The following FNIP1 variants were observed in gnomAD, a reference collection of about 807,000 sequenced individuals.
The protein encoded by FNIP1 is folliculin interacting protein 1, also known as folliculin-interacting protein 1.
A neutral mutation model predicts 124.5 loss-of-function variants in FNIP1; 40 were observed. That is an observed-to-expected ratio of 0.32 (90% CI 0.25 to 0.42). FNIP1 has a LOEUF of 0.42. FNIP1 is among the 10% of genes least tolerant of loss of function. The pLI is 1.00. For missense variants in FNIP1, 1,176 were observed against 1,403.7 expected (o/e 0.84, Z 2.59); for synonymous variants, 472 against 470.6 (o/e 1.00, Z -0.04).
chr5:131,663,225 A>G, intron 15 of FNIP1, among the ~76,000 whole-genome samples: 1 of 152,200 alleles, frequency 6.6e-6, no homozygotes, highest in South Asian at 2.1e-4. Context: ...TTTTAAAAGA[A>G]TTTTTCTCTT....
rs1766739283 is a variant in FNIP1 at position 131,642,306 on chromosome 5, G to A, written c.*2379C>T. On this transcript the variant is annotated 3_prime_UTR_variant, in exon 18 of 18. Coordinates refer to ENST00000510461, the MANE Select transcript of FNIP1 (RefSeq NM_133372.3). ...GGTAATAGAAATTATAGAAGGATTAGGAATTACAAAACTCAGGAATGGGAA... is the reference window on the plus strand; with the variant it reads ...GGTAATAGAAATTATAGAAGGATTAAGAATTACAAAACTCAGGAATGGGAA... 6.6e-6 allele frequency: 1 copy of A among 152,486 alleles called. No individual in the cohort carries two copies. Among genetic ancestry groups the A allele is most frequent in the African/African-American group, 2.4e-5 (1 of 41,386 alleles). The allele number at this position is 152,486 out of a possible 1,614,324, so 9.4% of individuals were successfully genotyped here.
At chr5:131,755,528 T>C (rs1203618400) in intron 1 of FNIP1, among the ~76,000 whole-genome samples, 3 of 151,746 alleles carry the variant, frequency 2.0e-5, no homozygotes, top group Non-Finnish European at 2.9e-5. Context: ...CAATTGGTAG[T>C]GAAATCTTCA....
At chr5:131,701,598 G>C (rs1768901155) in intron 10 of FNIP1, among the ~76,000 whole-genome samples, 1 of 152,000 alleles carries the variant, frequency 6.6e-6, no homozygotes, top group Admixed American at 6.5e-5. Flanking sequence ...TTTATTTTTT[G>C]ACATACTCAA....
chr5:131,676,003 C>T (rs1438077350), intron 13 of FNIP1, among the ~76,000 whole-genome samples: 1 of 151,670 alleles, frequency 6.6e-6, no homozygotes, highest in Admixed American at 6.6e-5. Flanking sequence ...GGATTATAGG[C>T]GCCTGCCACC....
chr5:131,779,469 G>C (rs1190797235), intron 1 of FNIP1, among the ~76,000 whole-genome samples: 1 of 151,802 alleles, frequency 6.6e-6, no homozygotes, highest in Non-Finnish European at 1.5e-5. Flanking sequence ...CACAAGGTCA[G>C]GAGATCGAGA....
At position 131,743,973 on chromosome 5, in the gene FNIP1, T is replaced by A. The variant is rs1395262914; in HGVS notation, c.219+591A>T. Among the ~76,000 whole-genome samples, 3 of 151,838 alleles carry A rather than the reference T, an allele frequency of 2.0e-5. No homozygotes were observed. The East Asian group carries it at 5.8e-4, about 29-fold the overall frequency. On this transcript the variant is annotated intron_variant, in intron 2 of 17. Coordinates refer to ENST00000510461, the MANE Select transcript of FNIP1 (RefSeq NM_133372.3). ...AGAAAAGCTGAGAGGGATGAAGGAATACATCGCAGGAGAGAAATTAATGAG... is the reference window on the plus strand; with the variant it reads ...AGAAAAGCTGAGAGGGATGAAGGAAAACATCGCAGGAGAGAAATTAATGAG...
intron 1 of FNIP1, among the ~76,000 whole-genome samples, chr5:131,749,437 G>C (rs1037011252): frequency 4.1e-4 from 61 of 147,484 alleles, no homozygotes; most frequent in African/African-American, 1.5e-3. Flanking sequence ...CTATCGTCCA[G>C]GCTGAAGTGC....
intron 1 of FNIP1, among the ~76,000 whole-genome samples, chr5:131,788,645 G>A (rs1269359514): frequency 6.7e-6 from 1 of 148,216 alleles, no homozygotes; most frequent in East Asian, 2.0e-4. Context: ...AGGTTGCAGT[G>A]AGCCGGGATT....
intron 1 of FNIP1, among the ~76,000 whole-genome samples, chr5:131,789,001 A>G (rs997259694): frequency 1.3e-5 from 2 of 152,228 alleles, no homozygotes; most frequent in Admixed American, 6.5e-5. Flanking sequence ...ACTAGCCAAG[A>G]TATGCAATCA....
chr5:131,700,151 T>G (rs1353745036), intron 10 of FNIP1, among the ~76,000 whole-genome samples: 1 of 151,800 alleles, frequency 6.6e-6, no homozygotes, highest in Non-Finnish European at 1.5e-5. Flanking sequence ...GCCCCGCTAA[T>G]TTTTGTATTT....
At chr5:131,651,034 C>T (rs562169615) in intron 16 of FNIP1, among the ~76,000 whole-genome samples, 1 of 152,136 alleles carries the variant, frequency 6.6e-6, no homozygotes, top group African/African-American at 2.4e-5. Flanking sequence ...GTACACAACC[C>T]CTTCTGTCTT....
At chr5:131,664,052 G>C (rs780910659) in intron 15 of FNIP1, among the ~76,000 whole-genome samples, 4 of 152,086 alleles carry the variant, frequency 2.6e-5, no homozygotes, top group African/African-American at 4.8e-5. Context: ...GTTTGTGAAG[G>C]GTTGATCTCA....
chr5:131,670,583 G>A lies in FNIP1; in HGVS notation c.2988C>T (p.Phe996=), dbSNP rs752731602. ...VSAVQPNIAN[F]GRSLLGGYCS... is the part of the protein sequence containing the mutation. The stretch of plus-strand genomic sequence containing the variant: ...AGTAGCCACCCAGCAAGGACCTCCC[G>A]AAGTTGGCAATGTTGGGCTGAACAG... Residue 996 remains phenylalanine (F), a synonymous_variant, in exon 15 of 18, where the codon TTC becomes TTT. Coordinates refer to ENST00000510461, the MANE Select transcript of FNIP1 (RefSeq NM_133372.3). 9.3e-6 allele frequency: 15 copies of A among 1,613,232 alleles called. No individual in the cohort carries two copies. Among genetic ancestry groups the A allele is most frequent in the East Asian group, 2.2e-5 (1 of 44,868 alleles).
intron 2 of FNIP1, among the ~76,000 whole-genome samples, chr5:131,734,228 T>C (rs1188393578): frequency 6.6e-6 from 1 of 152,204 alleles, no homozygotes; most frequent in African/African-American, 2.4e-5. Flanking sequence ...CTTTTCTTAT[T>C]AGTCGTGCTA....
At chr5:131,655,985 T>C (rs1179457922) in intron 15 of FNIP1, among the ~76,000 whole-genome samples, 1 of 151,030 alleles carries the variant, frequency 6.6e-6, no homozygotes, top group African/African-American at 2.4e-5. Flanking sequence ...GGCAGGAGGA[T>C]CCCTTAAGCC....
intron 1 of FNIP1, among the ~76,000 whole-genome samples, chr5:131,770,131 T>C (rs897013201): frequency 8.5e-5 from 13 of 152,280 alleles, no homozygotes; most frequent in Middle Eastern, 3.4e-3. Flanking sequence ...CAAGTCCACA[T>C]ACACATTCCT....
intron 1 of FNIP1, among the ~76,000 whole-genome samples, chr5:131,769,563 C>A: frequency 6.6e-6 from 1 of 152,188 alleles, no homozygotes; most frequent in Non-Finnish European, 1.5e-5. Flanking sequence ...TCTGAAACCA[C>A]AAGACTGTCA....
chr5:131,733,328 C>T (rs1770166129), intron 2 of FNIP1, among the ~76,000 whole-genome samples: 4 of 152,144 alleles, frequency 2.6e-5, no homozygotes, highest in South Asian at 4.1e-4. Context: ...ATTTCTTTCT[C>T]CTGCCTGATT....
At chr5:131,790,565 C>G (rs181648607) in intron 1 of FNIP1, among the ~76,000 whole-genome samples, 3 of 150,682 alleles carry the variant, frequency 2.0e-5, no homozygotes, top group Admixed American at 1.3e-4. Context: ...CAACCCCTTA[C>G]GTGAATTTAC....
Sources: gnomAD v4.1 joint callset for allele counts (sites outside exome capture counted in the v4.1 genomes callset) on GRCh38, gnomAD v4.1.1 for gene constraint, MANE v1.5 for transcripts, NCBI Gene and HGNC (gene_info 2026-07-23, HGNC 2026-07-21) for gene names.